VPS13D: variants seen among roughly 807,000 people sequenced by gnomAD.
VPS13D encodes intermembrane lipid transfer protein VPS13D.
In VPS13D, 187 loss-of-function variants were observed where a neutral mutation model predicts 461.9. The ratio of observed to expected loss-of-function variants is 0.40; its 90% CI spans 0.36 to 0.46. VPS13D has a LOEUF of 0.46. Ranked by LOEUF, VPS13D falls within the 20% of genes least tolerant of loss-of-function variation. The pLI is 0.60. For synonymous variants in VPS13D, 1,951 were observed against 1,986.3 expected, an observed-to-expected ratio of 0.98 and a Z score of 0.47; for missense variants, 4,711 against 5,364.9, an observed-to-expected ratio of 0.88 and a Z score of 3.81.
At chr1:12,361,403 ATTT>A (rs1297978975) in intron 50 of VPS13D, among the ~76,000 whole-genome samples, 1 of 134,000 alleles carries the variant, frequency 7.5e-6, no homozygotes, top group African/African-American at 2.8e-5. Flanking sequence ...TTATTTATTT[ATTT>A]TTTTTTTGAG....
intron 55 of VPS13D, among the ~76,000 whole-genome samples, chr1:12,374,470 T>C (rs1001680549): frequency 2.0e-5 from 3 of 152,232 alleles, no homozygotes; most frequent in African/African-American, 7.2e-5. Context: ...GGCTGTGATG[T>C]TGATTTGTCC....
At chr1:12,345,137 T>C (rs1643647259) in intron 42 of VPS13D, 5 of 424,950 alleles carry the variant, frequency 1.2e-5, no homozygotes, top group South Asian at 9.0e-5. Flanking sequence ...GTTTGTACAA[T>C]GGAGGATAAA....
chr1:12,415,771 C>T (rs1644785879), intron 64 of VPS13D, among the ~76,000 whole-genome samples: 1 of 152,194 alleles, frequency 6.6e-6, no homozygotes, highest in Admixed American at 6.5e-5. Flanking sequence ...ACTTCCTTTT[C>T]TCCATTCCCC....
intron 60 of VPS13D, among the ~76,000 whole-genome samples, chr1:12,399,558 G>C (rs558723434): frequency 6.6e-6 from 1 of 151,990 alleles, no homozygotes; most frequent in Non-Finnish European, 1.5e-5. Flanking sequence ...GGTGGCTCAC[G>C]CCTGTAATCC....
At chr1:12,461,794 G>A (rs1425593968) in intron 67 of VPS13D, among the ~76,000 whole-genome samples, 3 of 152,200 alleles carry the variant, frequency 2.0e-5, no homozygotes, top group Admixed American at 2.0e-4. Context: ...ATTTTTTAAA[G>A]ATGATTTTGT....
At chr1:12,379,983 A>G (rs550861268) in intron 57 of VPS13D, among the ~76,000 whole-genome samples, 1 of 152,138 alleles carries the variant, frequency 6.6e-6, no homozygotes, top group South Asian at 2.1e-4. Flanking sequence ...GTTAGCCAGG[A>G]TGGTCTCGAT....
chr1:12,361,596 C>T (rs1032487036), intron 50 of VPS13D, among the ~76,000 whole-genome samples: 11 of 150,744 alleles, frequency 7.3e-5, no homozygotes, highest in Non-Finnish European at 1.2e-4. Context: ...GGGGTTTCAC[C>T]GTTTTAGCCG....
In VPS13D at chr1:12,423,565, A is replaced by G. The variant is rs1644888665; in HGVS notation, c.12333+6738A>G. Among the ~76,000 whole-genome samples the G allele has an allele frequency of 2.6e-5, 4 of 152,224 alleles. No individual in the cohort carries two copies. In the South Asian group the frequency reaches 8.3e-4, roughly 31 times the overall value. On this transcript the variant is annotated intron_variant, in intron 65 of 69. Transcript: ENST00000620676. ...GTAGAAAATCTAGCTAGGACTTTAA[A>G]TACCATTTTGTTCCATTTCTTTGGT...
At chr1:12,470,181 A>T (rs1254287225) in intron 67 of VPS13D, among the ~76,000 whole-genome samples, 1 of 152,208 alleles carries the variant, frequency 6.6e-6, no homozygotes, top group African/African-American at 2.4e-5. Context: ...ACTGCAGGAG[A>T]CTTCAAAGGG....
intron 7 of VPS13D, 159 bp from the exon 8 acceptor site, chr1:12,256,165 TATAAAAAGA>T (rs1468376193): frequency 5.7e-6 from 4 of 696,220 alleles, no homozygotes; most frequent in Non-Finnish European, 9.1e-6. Context: ...CCTGTCCCTA[TATAAAAAGA>T]ATAAAAATGA....
At chr1:12,422,636 C>A (rs1452269366) in intron 65 of VPS13D, among the ~76,000 whole-genome samples, 3 of 152,180 alleles carry the variant, frequency 2.0e-5, no homozygotes, top group Non-Finnish European at 4.4e-5. Context: ...CACTGCACTT[C>A]ATTGTGGAAT....
intron 26 of VPS13D, 110 bp downstream of exon 26, chr1:12,304,838 A>G (rs1477497812): frequency 2.8e-6 from 3 of 1,071,870 alleles, no homozygotes; most frequent in East Asian, 5.1e-5. Context: ...ACGAAGAGAT[A>G]GCATTTCTTT....
At chr1:12,315,257 A>G (rs144683953) in intron 30 of VPS13D, among the ~76,000 whole-genome samples, 1,874 of 152,360 alleles carry the variant, frequency 0.012, 28 homozygotes, top group Non-Finnish European at 0.02. Context: ...AGCAAAAAAC[A>G]GAACAAAAAG....
intron 5 of VPS13D, 67 bp from the exon 6 acceptor site, chr1:12,249,156 T>G: frequency 2.2e-6 from 3 of 1,340,724 alleles, no homozygotes; most frequent in Non-Finnish European, 3.1e-6. Flanking sequence ...ATGCTTTTTC[T>G]TTTTTCTTTT....
chr1:12,333,211 C>T lies in VPS13D; in HGVS notation c.8288-15C>T. 1 of 1,612,434 alleles carries T rather than the reference C, an allele frequency of 6.2e-7. No homozygotes were observed. On this transcript the variant is annotated splice_polypyrimidine_tract_variant and intron_variant, in intron 37 of 69. Coordinates refer to ENST00000620676, the MANE Select transcript of VPS13D (RefSeq NM_015378.4). Reference sequence around the variant, plus strand: ...TATCTGCTGAACAGATGTCTTATTTCCTGTGTTCTTTTAGGCTGGGAGCCA... The same window carrying T: ...TATCTGCTGAACAGATGTCTTATTTTCTGTGTTCTTTTAGGCTGGGAGCCA...
intron 32 of VPS13D, among the ~76,000 whole-genome samples, chr1:12,321,212 A>G (rs1557707609): frequency 6.6e-6 from 1 of 151,876 alleles, no homozygotes; most frequent in Admixed American, 6.6e-5. Context: ...AATATAATGA[A>G]CTCCATATAT....
At chr1:12,251,857 A>G (rs1420508494) in intron 6 of VPS13D, among the ~76,000 whole-genome samples, 1 of 152,202 alleles carries the variant, frequency 6.6e-6, no homozygotes, top group Non-Finnish European at 1.5e-5. Context: ...GCCCTAACAC[A>G]TTGCCACAAA....
chr1:12,501,781 T>C (rs1183868315), intron 68 of VPS13D, among the ~76,000 whole-genome samples: 1 of 152,190 alleles, frequency 6.6e-6, no homozygotes, highest in Non-Finnish European at 1.5e-5. Context: ...AGCAACGTAT[T>C]ATGGAACCAC....
chr1:12,485,443 T>C (rs1645785095), intron 67 of VPS13D, among the ~76,000 whole-genome samples: 1 of 152,222 alleles, frequency 6.6e-6, no homozygotes, highest in South Asian at 2.1e-4. Flanking sequence ...TGCCGTGTCA[T>C]ATGGCACAAG....
Sources: allele counts gnomAD v4.1 joint callset (sites outside exome capture counted in the v4.1 genomes callset), GRCh38; gene constraint gnomAD v4.1.1; transcripts MANE v1.5; gene names NCBI Gene and HGNC (gene_info 2026-07-23, HGNC 2026-07-21).